The following CACNA2D3 variants were observed in gnomAD, a reference collection of about 807,000 sequenced individuals.
CACNA2D3 encodes calcium voltage-gated channel auxiliary subunit alpha2delta 3, also known as voltage-dependent calcium channel subunit alpha-2/delta-3.
CACNA2D3 carries 60 observed loss-of-function variants against 160.6 expected under a neutral mutation model. The ratio of observed to expected loss-of-function variants is 0.37; its 90% CI spans 0.30 to 0.46. The LOEUF (loss-of-function observed/expected upper bound fraction) is 0.46, where lower values mean the gene tolerates loss of function less well. Ranked by LOEUF, CACNA2D3 falls within the 20% of genes least tolerant of loss-of-function variation. The pLI is 1.00. For missense variants in CACNA2D3, 1,205 were observed against 1,365.0 expected (o/e 0.88, Z 1.85); for synonymous variants, 558 against 492.9 (o/e 1.13, Z -1.75).
At chr3:54,461,637 T>G (rs1700506951) in intron 4 of CACNA2D3, among the ~76,000 whole-genome samples, 1 of 151,924 alleles carries the variant, frequency 6.6e-6, no homozygotes, top group Non-Finnish European at 1.5e-5. Context: ...CTTTATCGTT[T>G]TTTATTGCAT....
chr3:54,393,227 G>C (rs6445652), intron 4 of CACNA2D3, among the ~76,000 whole-genome samples: 130,971 of 152,210 alleles, frequency 0.86, 56,399 homozygotes, highest in Middle Eastern at 0.88. Context: ...TCGACGTGGA[G>C]ACTTGTAGTG....
intron 2 of CACNA2D3, among the ~76,000 whole-genome samples, chr3:54,216,535 A>C (rs144692709): frequency 6.6e-6 from 1 of 152,230 alleles, no homozygotes; most frequent in Non-Finnish European, 1.5e-5. Context: ...TGCGAGGCCT[A>C]TAGTGGAACT....
chr3:54,411,887 G>T (rs1699673731), intron 4 of CACNA2D3, among the ~76,000 whole-genome samples: 1 of 152,160 alleles, frequency 6.6e-6, no homozygotes, highest in Non-Finnish European at 1.5e-5. Context: ...CACTTGTGAT[G>T]AGTGTTATTT....
intron 35 of CACNA2D3, among the ~76,000 whole-genome samples, chr3:55,065,084 C>T (rs1412423250): frequency 2.0e-5 from 3 of 152,190 alleles, no homozygotes; most frequent in African/African-American, 7.2e-5. Flanking sequence ...TTATCCTAAG[C>T]ATGATGCTAA....
intron 23 of CACNA2D3, among the ~76,000 whole-genome samples, 155 bp from the exon 24 acceptor site, chr3:54,887,804 C>T (rs567935510): frequency 6.6e-6 from 1 of 152,316 alleles, no homozygotes; most frequent in South Asian, 2.1e-4. Context: ...GGTGTCAGAA[C>T]TGTTTCATAT....
intron 9 of CACNA2D3, among the ~76,000 whole-genome samples, chr3:54,595,746 T>C (rs1702942517): frequency 6.6e-6 from 1 of 152,076 alleles, no homozygotes; most frequent in East Asian, 1.9e-4. Context: ...ATATAAGAAA[T>C]AATATCAATA....
chr3:54,826,380 A>G lies in CACNA2D3; in HGVS notation c.1398+9510A>G, dbSNP rs185761182. On this transcript the variant is annotated intron_variant, in intron 14 of 37. Coordinates refer to ENST00000474759, the MANE Select transcript of CACNA2D3 (RefSeq NM_018398.3). ...GTACATCAGTGCTACCAAGAAGTTC[A>G]AAAACAAAATGTTAGATGTTTATCC... 2.5e-3 allele frequency among the ~76,000 whole-genome samples: 387 copies of G among 152,350 alleles called. 2 individuals carry two copies. Among genetic ancestry groups the G allele is most frequent in the African/African-American group, 8.8e-3 (365 of 41,578 alleles).
intron 11 of CACNA2D3, among the ~76,000 whole-genome samples, chr3:54,665,196 C>G (rs150020882): frequency 6.6e-6 from 1 of 152,286 alleles, no homozygotes; most frequent in African/African-American, 2.4e-5. Context: ...CTGTTTGGTT[C>G]CTTTCTAGCA....
At chr3:54,366,624 AAAG>A (rs1698832495) in intron 3 of CACNA2D3, among the ~76,000 whole-genome samples, 2 of 152,192 alleles carry the variant, frequency 1.3e-5, no homozygotes, top group African/African-American at 4.8e-5. Context: ...CTGTGCCCAT[AAAG>A]TAGAGTAGGG....
At position 54,939,601 on chromosome 3, in the gene CACNA2D3, G is replaced by A. The variant is rs78793024; in HGVS notation, c.2450-28849G>A. On this transcript the variant is annotated intron_variant, in intron 27 of 37. Transcript: ENST00000474759. ...TGGGGCCGGAGGTGGGGAAAGCAAG[G>A]CATTTTGTGCAGAGAGTTAGCAATA... Among the ~76,000 whole-genome samples the A allele has an allele frequency of 6.3e-3, 962 of 152,312 alleles. 18 individuals are homozygous for A. The highest frequency in any genetic ancestry group is 0.022 in the African/African-American group (929 of 41,572).
chr3:54,695,817 T>G (rs1700654164), intron 11 of CACNA2D3, among the ~76,000 whole-genome samples: 1 of 152,260 alleles, frequency 6.6e-6, no homozygotes, highest in Non-Finnish European at 1.5e-5. Flanking sequence ...AGATGGATAT[T>G]AACTTTTGTC....
chr3:54,446,999 A>G (rs1425919572), intron 4 of CACNA2D3, among the ~76,000 whole-genome samples: 2 of 152,178 alleles, frequency 1.3e-5, no homozygotes, highest in Non-Finnish European at 2.9e-5. Context: ...TTTTTAAGTG[A>G]GGCATTGACA....
At chr3:54,486,785 C>G (rs917885462) in intron 4 of CACNA2D3, among the ~76,000 whole-genome samples, 5 of 152,098 alleles carry the variant, frequency 3.3e-5, no homozygotes, top group Non-Finnish European at 7.4e-5. Context: ...GTCATGTGCT[C>G]TTGAGTGGAG....
At chr3:54,367,604 A>G (rs1253717180) in intron 3 of CACNA2D3, 3 of 382,494 alleles carry the variant, frequency 7.8e-6, no homozygotes, top group Non-Finnish European at 1.6e-5. Context: ...AGAGAAGCAC[A>G]GCCTTACAGG....
intron 11 of CACNA2D3, among the ~76,000 whole-genome samples, chr3:54,680,637 CATT>C (rs769948773): frequency 1.1e-4 from 16 of 152,278 alleles, no homozygotes; most frequent in East Asian, 9.7e-4. Flanking sequence ...CTGCTGGACT[CATT>C]GTTGTTGGTC....
intron 5 of CACNA2D3, among the ~76,000 whole-genome samples, chr3:54,533,409 A>G (rs1337082871): frequency 7.1e-6 from 1 of 140,220 alleles, no homozygotes; most frequent in East Asian, 2.1e-4. Flanking sequence ...ATCCAGGCTC[A>G]CTGCAACCTC....
At chr3:54,980,561 G>A (rs955151721) in intron 29 of CACNA2D3, among the ~76,000 whole-genome samples, 1 of 152,130 alleles carries the variant, frequency 6.6e-6, no homozygotes, top group African/African-American at 2.4e-5. Context: ...TCAAATACAT[G>A]TTACAGTGTT....
At chr3:54,759,302 C>T (rs1487709972) in intron 12 of CACNA2D3, among the ~76,000 whole-genome samples, 1 of 151,950 alleles carries the variant, frequency 6.6e-6, no homozygotes, top group Non-Finnish European at 1.5e-5. Context: ...AATAAACATT[C>T]AAGACCTAGA....
chr3:54,952,856 G>A (rs1701793247), intron 27 of CACNA2D3, among the ~76,000 whole-genome samples: 2 of 152,152 alleles, frequency 1.3e-5, no homozygotes, highest in Non-Finnish European at 2.9e-5. Flanking sequence ...TACAAATTCA[G>A]CAGAGTTGGG....
Sources: gnomAD v4.1 joint callset for allele counts (sites outside exome capture counted in the v4.1 genomes callset) on GRCh38, gnomAD v4.1.1 for gene constraint, MANE v1.5 for transcripts, NCBI Gene and HGNC (gene_info 2026-07-23, HGNC 2026-07-21) for gene names.